SLC22A16: variants seen among roughly 807,000 people sequenced by gnomAD.
The protein encoded by SLC22A16 is WUGSC:RG331P03.1.
SLC22A16 carries 53 observed loss-of-function variants against 52.9 expected under a neutral mutation model. The observed-to-expected ratio is 1.00, with a 90% CI of 0.80 to 1.26. The LOEUF (loss-of-function observed/expected upper bound fraction) is 1.26. SLC22A16 is among the 50% of genes most tolerant of loss of function. The pLI is 0.00. For missense variants in SLC22A16, 726 were observed against 704.0 expected (o/e 1.03, Z -0.35); for synonymous variants, 291 against 268.8 (o/e 1.08, Z -0.81).
chr6:110,443,461 T>C (rs1043377822), intron 3 of SLC22A16, among the ~76,000 whole-genome samples: 2 of 151,998 alleles, frequency 1.3e-5, no homozygotes, highest in Non-Finnish European at 2.9e-5. Context: ...TTACCAATCA[T>C]TGAGAAATGC....
At chr6:110,456,375 C>G (rs1233346835) in intron 2 of SLC22A16, 163 bp downstream of exon 2, 1 of 924,192 alleles carries the variant, frequency 1.1e-6, no homozygotes, top group East Asian at 2.4e-5. Flanking sequence ...AGAGCCTATC[C>G]TTATCATTAT....
chr6:110,426,335 G>C (rs921510888), intron 7 of SLC22A16, among the ~76,000 whole-genome samples: 3 of 152,170 alleles, frequency 2.0e-5, no homozygotes, highest in African/African-American at 7.2e-5. Flanking sequence ...ATCCAGAACA[G>C]AATGGAATTT....
chr6:110,476,416 G>A (rs1776482068), intron 1 of SLC22A16, 106 bp downstream of exon 1: 2 of 1,395,690 alleles, frequency 1.4e-6, no homozygotes, highest in African/African-American at 3.0e-5. Flanking sequence ...AGGAAGTGGA[G>A]ATGTTTTCGG....
intron 1 of SLC22A16, among the ~76,000 whole-genome samples, chr6:110,465,256 T>C (rs1217726486): frequency 1.3e-5 from 2 of 152,050 alleles, no homozygotes; most frequent in Non-Finnish European, 2.9e-5. Flanking sequence ...ATTTCACTCT[T>C]ACAGCTCCTA....
chr6:110,463,514 T>TAAAAAAAAAAAGAAAA (rs1775960681), intron 1 of SLC22A16, among the ~76,000 whole-genome samples: 1 of 53,270 alleles, frequency 1.9e-5, no homozygotes, highest in Non-Finnish European at 3.2e-5. Flanking sequence ...GTAACAACAG[T>TAAAAAAAAAAAGAAAA]AAAAAAAAAA....
intron 5 of SLC22A16, 101 bp from the exon 6 acceptor site, chr6:110,436,062 AT>A: frequency 2.6e-6 from 2 of 759,490 alleles, no homozygotes; most frequent in Non-Finnish European, 4.4e-6. Flanking sequence ...TTCCTTCAGT[AT>A]TTTTTCAGAA....
intron 1 of SLC22A16, among the ~76,000 whole-genome samples, chr6:110,474,094 G>T (rs1490699114): frequency 6.6e-6 from 1 of 152,158 alleles, no homozygotes; most frequent in Non-Finnish European, 1.5e-5. Flanking sequence ...AACTGCACAT[G>T]CGAGGGATCT....
intron 4 of SLC22A16, among the ~76,000 whole-genome samples, chr6:110,441,036 C>T (rs184925561): frequency 6.6e-5 from 10 of 152,248 alleles, no homozygotes; most frequent in African/African-American, 2.4e-4. Context: ...ATCATTGATG[C>T]TTTATGAAAA....
At chr6:110,442,130 A>C in intron 4 of SLC22A16, 114 bp downstream of exon 4, 2 of 972,242 alleles carry the variant, frequency 2.1e-6, no homozygotes, top group Non-Finnish European at 3.0e-6. Context: ...TCCTGGTTTT[A>C]AAGGGCCTAT....
At chr6:110,471,703 A>AGTAGG (rs1776266158) in intron 1 of SLC22A16, among the ~76,000 whole-genome samples, 2 of 152,316 alleles carry the variant, frequency 1.3e-5, no homozygotes, top group South Asian at 4.1e-4. Context: ...ACAGGGACGG[A>AGTAGG]GTAGGGCTTG....
At chr6:110,466,112 T>A (rs1269718973) in intron 1 of SLC22A16, among the ~76,000 whole-genome samples, 1 of 152,042 alleles carries the variant, frequency 6.6e-6, no homozygotes, top group African/African-American at 2.4e-5. Flanking sequence ...TGGATCCCTA[T>A]CTCTCACCAT....
intron 3 of SLC22A16, among the ~76,000 whole-genome samples, chr6:110,445,211 C>T (rs761925889): frequency 6.6e-6 from 1 of 152,074 alleles, no homozygotes; most frequent in Non-Finnish European, 1.5e-5. Context: ...CTCATCAATG[C>T]GTCTCTCCTC....
At chr6:110,470,992 T>C (rs1776241025) in intron 1 of SLC22A16, among the ~76,000 whole-genome samples, 1 of 152,098 alleles carries the variant, frequency 6.6e-6, no homozygotes, top group African/African-American at 2.4e-5. Context: ...TTATAACCAT[T>C]TTGCAAAACT....
rs772887915 is a variant in SLC22A16 at position 110,462,864 on chromosome 6, G to T, written c.54-5847C>A. Among the ~76,000 whole-genome samples the T allele has an allele frequency of 2.0e-5, 3 of 152,108 alleles. No homozygotes were observed. The East Asian group carries it at 5.8e-4, about 29-fold the overall frequency. On this transcript the variant is annotated intron_variant, in intron 1 of 7. Coordinates refer to ENST00000368919, the MANE Select transcript of SLC22A16 (RefSeq NM_033125.4). ...AATGCTAAAGAAAAAAATCTTAAAGGCATCTGGAGAGAAGTGTCAGATCGC... is the reference window on the plus strand; with the variant it reads ...AATGCTAAAGAAAAAAATCTTAAAGTCATCTGGAGAGAAGTGTCAGATCGC...
chr6:110,453,637 G>A (rs1362306676), intron 2 of SLC22A16: 1 of 456,086 alleles, frequency 2.2e-6, no homozygotes, highest in Non-Finnish European at 4.4e-6. Context: ...AATTAGAGAG[G>A]AGGAGCACTG....
rs1490455967 is a variant in SLC22A16 at position 110,442,564 on chromosome 6, A to G, written c.863T>C (p.Leu288Pro). 27 of 1,614,148 alleles carry G rather than the reference A, an allele frequency of 1.7e-5. No homozygotes were observed. The East Asian group carries it at 6.0e-4, about 36-fold the overall frequency. Residue 288 changes from leucine (L) to proline (P), a missense_variant, in exon 4 of 8, where the codon CTC becomes CCC. Physicochemically the swap from Leu to Pro is moderately conservative, Grantham distance 98 (BLOSUM62 -3). Coordinates refer to ENST00000368919, the MANE Select transcript of SLC22A16 (RefSeq NM_033125.4). ...TVPFILCCWV[L>P]PETPFWLLSE... ...GAGAAGCCAAAAAGGTGTCTCTGGG[A>G]GCACCCAACAGCACAGGATAAAGGG...
At chr6:110,463,503 A>T (rs1447541818) in intron 1 of SLC22A16, among the ~76,000 whole-genome samples, 3 of 139,894 alleles carry the variant, frequency 2.1e-5, no homozygotes, top group African/African-American at 8.1e-5. Context: ...CAGTCTCTAA[A>T]GTAACAACAG....
At chr6:110,426,265 C>G (rs1332441296) in intron 7 of SLC22A16, among the ~76,000 whole-genome samples, 2 of 152,134 alleles carry the variant, frequency 1.3e-5, no homozygotes, top group African/African-American at 4.8e-5. Context: ...CAGAAGAGCC[C>G]TAAGTCAGGA....
chr6:110,431,205 A>C lies in SLC22A16; in HGVS notation c.1487T>G (p.Val496Gly). 6.2e-7 allele frequency: 1 copy of C among 1,613,914 alleles called. No individual in the cohort carries two copies. Among genetic ancestry groups the C allele is most frequent in the Middle Eastern group, 1.6e-4 (1 of 6,062 alleles). The stretch of plus-strand genomic sequence containing the variant: ...GAAGATCCAAATGCTGCTGAGGTCC[A>C]CAGAGAACGGCGCCAGGATGCTGGC... ...RLASILAPFS[V>G]DLSSIWIFIP... Residue 496 changes from valine to glycine, a missense_variant, in exon 7 of 8, where the codon GTG (valine) becomes GGG (glycine). Physicochemically the swap from Val to Gly is moderately radical, Grantham distance 109 (BLOSUM62 -3). Coordinates refer to ENST00000368919, the MANE Select transcript of SLC22A16 (RefSeq NM_033125.4).
Sources: gnomAD v4.1 joint callset for allele counts (sites outside exome capture counted in the v4.1 genomes callset) on GRCh38, gnomAD v4.1.1 for gene constraint, MANE v1.5 for transcripts, NCBI Gene and HGNC (gene_info 2026-07-23, HGNC 2026-07-21) for gene names.